The following SRGAP1 variants were observed in gnomAD, a reference collection of about 807,000 sequenced individuals.
SRGAP1 encodes the protein SLIT-ROBO Rho GTPase-activating protein 1.
A neutral mutation model predicts 121.9 loss-of-function variants in SRGAP1; 43 were observed. The ratio of observed to expected loss-of-function variants is 0.35; its 90% CI spans 0.28 to 0.46. The LOEUF (loss-of-function observed/expected upper bound fraction) is 0.46, where lower values mean the gene tolerates loss of function less well. SRGAP1 is among the 20% of genes least tolerant of loss of function. The pLI, the probability that SRGAP1 is intolerant of heterozygous loss-of-function variation, is 1.00. For missense variants in SRGAP1, 1,102 were observed against 1,350.9 expected (o/e 0.82, Z 2.89); for synonymous variants, 447 against 485.4 (o/e 0.92, Z 1.04).
At chr12:63,870,619 A>G (rs947973045) in intron 1 of SRGAP1, among the ~76,000 whole-genome samples, 1 of 147,482 alleles carries the variant, frequency 6.8e-6, no homozygotes, top group Non-Finnish European at 1.5e-5. Context: ...CTGTCAGTGC[A>G]ACCTCCGCTT....
At chr12:63,987,168 C>G (rs1043490100) in intron 2 of SRGAP1, among the ~76,000 whole-genome samples, 1 of 152,192 alleles carries the variant, frequency 6.6e-6, no homozygotes, top group African/African-American at 2.4e-5. Context: ...GATATTCCTT[C>G]TCCTTTTAAC....
At chr12:64,114,916 T>A (rs1188297452) in intron 17 of SRGAP1, among the ~76,000 whole-genome samples, 1 of 152,138 alleles carries the variant, frequency 6.6e-6, no homozygotes, top group Non-Finnish European at 1.5e-5. Flanking sequence ...TCCCCCAACA[T>A]CAGAAATGTA....
chr12:64,047,196 A>T (rs2035148399), intron 6 of SRGAP1, among the ~76,000 whole-genome samples: 1 of 152,226 alleles, frequency 6.6e-6, no homozygotes, highest in African/African-American at 2.4e-5. Context: ...TTTGTTGTAT[A>T]TTCAGCTGAA....
chr12:64,108,737 G>A (rs1304197450), intron 15 of SRGAP1, 195 bp from the exon 16 acceptor site: 3 of 387,292 alleles, frequency 7.7e-6, no homozygotes, highest in Admixed American at 4.4e-5. Context: ...AACGGTAAGG[G>A]TCAGAGGAGA....
chr12:64,034,517 C>T (rs1458242236), intron 4 of SRGAP1, among the ~76,000 whole-genome samples: 2 of 152,272 alleles, frequency 1.3e-5, no homozygotes, highest in East Asian at 3.9e-4. Context: ...CTATTAGAAA[C>T]AACAATCCCT....
chr12:64,126,268 A>C, intron 19 of SRGAP1, 111 bp downstream of exon 19: 1 of 1,229,946 alleles, frequency 8.1e-7, no homozygotes, highest in South Asian at 1.8e-5. Flanking sequence ...TTACAGAGAT[A>C]AAACTTCAGA....
intron 4 of SRGAP1, among the ~76,000 whole-genome samples, chr12:64,019,074 G>T (rs1308089244): frequency 6.6e-6 from 1 of 152,144 alleles, no homozygotes; most frequent in Non-Finnish European, 1.5e-5. Context: ...ATGCCATCTT[G>T]GGTTAGAGCC....
chr12:63,972,862 T>C (rs1325333582), intron 1 of SRGAP1, among the ~76,000 whole-genome samples: 1 of 152,076 alleles, frequency 6.6e-6, no homozygotes, highest in Admixed American at 6.6e-5. Context: ...AAGTAAATGA[T>C]AGAAGGCCAG....
At chr12:63,899,275 C>T (rs1177413767) in intron 1 of SRGAP1, among the ~76,000 whole-genome samples, 1 of 151,576 alleles carries the variant, frequency 6.6e-6, no homozygotes, top group Non-Finnish European at 1.5e-5. Flanking sequence ...CCGGCTACTC[C>T]AAAGGCAGAG....
intron 4 of SRGAP1, among the ~76,000 whole-genome samples, chr12:64,037,815 G>T (rs1219731698): frequency 6.6e-6 from 1 of 152,176 alleles, no homozygotes; most frequent in Non-Finnish European, 1.5e-5. Flanking sequence ...TAAACTCTTA[G>T]AAGATGGAAA....
At chr12:64,091,017 A>G (rs2036040947) in intron 11 of SRGAP1, among the ~76,000 whole-genome samples, 2 of 152,198 alleles carry the variant, frequency 1.3e-5, no homozygotes, top group African/African-American at 2.4e-5. Context: ...GGTAGTGCTT[A>G]TTTTAAAACA....
intron 12 of SRGAP1, chr12:64,091,914 C>T (rs992739233): frequency 2.0e-6 from 3 of 1,535,720 alleles, no homozygotes; most frequent in African/African-American, 2.7e-5. Flanking sequence ...GAAACTCGCA[C>T]ACAAGACATC....
intron 3 of SRGAP1, among the ~76,000 whole-genome samples, chr12:63,999,235 G>C (rs2033805696): frequency 6.6e-6 from 1 of 152,162 alleles, no homozygotes; most frequent in Non-Finnish European, 1.5e-5. Context: ...GAGGGCAGAT[G>C]GCAAGAGAGA....
chr12:63,928,221 G>T (rs748697270), intron 1 of SRGAP1, among the ~76,000 whole-genome samples: 28 of 152,304 alleles, frequency 1.8e-4, no homozygotes, highest in Admixed American at 1.6e-3. Flanking sequence ...ATGCTTTGCT[G>T]ATGGGAGTAT....
intron 1 of SRGAP1, among the ~76,000 whole-genome samples, chr12:63,949,615 G>C (rs2032222584): frequency 6.6e-6 from 1 of 151,794 alleles, no homozygotes; most frequent in Non-Finnish European, 1.5e-5. Flanking sequence ...TTTTGGTAGA[G>C]ACGGTGTTTC....
chr12:64,136,679 A>G (rs778038539), intron 21 of SRGAP1, among the ~76,000 whole-genome samples: 3 of 152,238 alleles, frequency 2.0e-5, no homozygotes, highest in Non-Finnish European at 4.4e-5. Context: ...AAATTAACGC[A>G]ATTTTAAGTG....
At chr12:64,127,011 T>A (rs913418821) in intron 19 of SRGAP1, among the ~76,000 whole-genome samples, 7 of 152,222 alleles carry the variant, frequency 4.6e-5, no homozygotes, top group Non-Finnish European at 1.0e-4. Context: ...CAAATACTTG[T>A]TTACACCATT....
At chr12:63,890,273 G>T (rs546013178) in intron 1 of SRGAP1, among the ~76,000 whole-genome samples, 2 of 152,352 alleles carry the variant, frequency 1.3e-5, no homozygotes, top group East Asian at 3.9e-4. Flanking sequence ...TTAGAAACAA[G>T]TGTAGCTGGA....
intron 1 of SRGAP1, among the ~76,000 whole-genome samples, chr12:63,875,950 A>G (rs746830783): frequency 6.5e-4 from 99 of 152,346 alleles, no homozygotes; most frequent in Non-Finnish European, 1.2e-3. Flanking sequence ...AGTGTTTATT[A>G]CTTAAAACAT....
Sources: allele counts gnomAD v4.1 joint callset (sites outside exome capture counted in the v4.1 genomes callset), GRCh38; gene constraint gnomAD v4.1.1; transcripts MANE v1.5; gene names NCBI Gene and HGNC (gene_info 2026-07-23, HGNC 2026-07-21).